Variants in TMPPE observed in about 807,000 individuals in gnomAD.
TMPPE encodes the protein transmembrane protein with metallophosphoesterase domain.
A neutral mutation model predicts 22.6 loss-of-function variants in TMPPE; 16 were observed. The ratio of observed to expected loss-of-function variants is 0.71; its 90% confidence interval spans 0.48 to 1.08. The LOEUF is 1.08. Ranked by LOEUF, TMPPE falls within the 50% of genes least tolerant of loss-of-function variation. TMPPE has a pLI of 0.00. For synonymous variants in TMPPE, 240 were observed against 245.3 expected (o/e 0.98, Z 0.20); for missense variants, 526 against 584.3 (o/e 0.90, Z 1.03).
rs887176945 is a variant in TMPPE at position 33,091,579 on chromosome 3, T to C, written c.*1255A>G. 2.0e-6 allele frequency: 2 copies of C among 985,016 alleles called. No individual in the cohort carries two copies. Among genetic ancestry groups the C allele is most frequent in the African/African-American group, 3.5e-5 (2 of 57,250 alleles). The allele number at this position is 985,016 out of a possible 1,614,324, so 61.0% of individuals were successfully genotyped here. ...AGTGTTTACTGTGCACGCTGTGCCATGTGGAACTCATGCACAAGGCTTGAT... is the reference window on the plus strand; with the variant it reads ...AGTGTTTACTGTGCACGCTGTGCCACGTGGAACTCATGCACAAGGCTTGAT... On this transcript the variant is annotated 3_prime_UTR_variant, in exon 2 of 2. Transcript: ENST00000342462.
At position 33,097,077 on chromosome 3, in the gene TMPPE, C is replaced by G. The variant is rs1175346838; in HGVS notation, c.-467G>C. 1.2e-6 allele frequency: 2 copies of G among 1,612,502 alleles called. No homozygotes were observed. The highest frequency in any genetic ancestry group is 1.7e-6 in the Non-Finnish European group (2 of 1,179,020). ...ACAGAGGGAGGATGCGAACCAGGAACCCCGGCATGACCACCAGCCTCCCGG... is the reference window on the plus strand; with the variant it reads ...ACAGAGGGAGGATGCGAACCAGGAAGCCCGGCATGACCACCAGCCTCCCGG... On this transcript the variant is annotated 5_prime_UTR_variant, in exon 1 of 2. Transcript: ENST00000342462.
At position 33,092,994 on chromosome 3, in the gene TMPPE, T is replaced by G; in HGVS notation, c.1202A>C (p.Asn401Thr). The change falls in exon 2 of 2, where the codon AAC becomes ACC. Residue 401 changes from asparagine to threonine, a missense_variant. By Grantham distance (65) the Asn-to-Thr change is moderately conservative. Coordinates refer to ENST00000342462, the MANE Select transcript of TMPPE (RefSeq NM_001039770.3). ...GGGATTCAGGAGATAGGCTGCTACG[T>G]TCAAGGGGAAGATCTGCCCAGCATG... ...HTHAGQIFPL[N>T]VAAYLLNPFF... The G allele has an allele frequency of 6.2e-7, 1 of 1,614,102 alleles. No individual in the cohort carries two copies. The highest frequency in any genetic ancestry group is 1.1e-5 in the South Asian group (1 of 91,076).
rs984982109 is a variant in TMPPE at position 33,096,911 on chromosome 3, C to T, written c.-301G>A. The T allele has an allele frequency of 3.9e-6, 6 of 1,527,530 alleles. No individual in the cohort carries two copies. The African/African-American group carries it at 5.7e-5, about 14-fold the overall frequency. 94.6% of individuals were successfully genotyped at this position (1,527,530 alleles called of 1,614,324 possible). A position where few individuals can be genotyped will look rare whatever the true frequency, so the allele number is the denominator to read the frequency against. On this transcript the variant is annotated 5_prime_UTR_variant, in exon 1 of 2. Coordinates refer to ENST00000342462, the MANE Select transcript of TMPPE (RefSeq NM_001039770.3). The stretch of plus-strand genomic sequence containing the variant: ...TGGGGGGCACTTCGGGGCTCAGGCT[C>T]CCCGCCCTGCGGGACCGCGGGTGGC...
Position 33,090,735 on chromosome 3 carries a change from C to A in TMPPE, c.*2099G>T, listed in dbSNP as rs1376733638. On this transcript the variant is annotated 3_prime_UTR_variant, in exon 2 of 2. Coordinates refer to ENST00000342462, the MANE Select transcript of TMPPE (RefSeq NM_001039770.3). ...GAGAAATTTCTGCTGCAAAAATGTC[C>A]GCCGCGTCAGGGAATACAAACCACA... 1.0e-6 allele frequency: 1 copy of A among 985,194 alleles called. No homozygotes were observed. The highest frequency in any genetic ancestry group is 1.2e-6 in the Non-Finnish European group (1 of 829,926). 61.0% of individuals were successfully genotyped at this position (985,194 alleles called of 1,614,324 possible).
At position 33,097,018 on chromosome 3, in the gene TMPPE, C is replaced by A. The variant is rs755668722; in HGVS notation, c.-408G>T. The A allele has an allele frequency of 1.1e-5, 17 of 1,612,074 alleles. No homozygotes were observed. Among genetic ancestry groups the A allele is most frequent in the Non-Finnish European group, 1.4e-5 (16 of 1,178,930 alleles). On this transcript the variant is annotated 5_prime_UTR_variant, in exon 1 of 2. Transcript: ENST00000342462. Reference sequence around the variant, plus strand: ...CGGGTCCCGCAGACTTACGCGCAAGCCGCGCGTAGGGCCCAGAAGCAGCAG... The same window carrying A: ...CGGGTCCCGCAGACTTACGCGCAAGACGCGCGTAGGGCCCAGAAGCAGCAG...
rs369878091 is a variant in TMPPE at position 33,093,206 on chromosome 3, G to A, written c.990C>T (p.Cys330=). The part of the protein sequence containing the change: ...GSGSEDEDWI[C]LAGVDDIEAD... The stretch of plus-strand genomic sequence containing the variant: ...CTTCAATATCGTCCACCCCAGCCAA[G>A]CAGATCCAGTCCTCATCCTCACTCC... Residue 330 remains cysteine (C), a synonymous_variant, in exon 2 of 2, where the codon TGC becomes TGT. Coordinates refer to ENST00000342462, the MANE Select transcript of TMPPE (RefSeq NM_001039770.3). The surrounding 1 kb of genome is among the most constrained non-coding windows in gnomAD (Gnocchi z 6.0). 94 of 1,613,864 alleles carry A rather than the reference G, an allele frequency of 5.8e-5. 1 individual carries two copies. The South Asian group carries it at 7.0e-4, about 12-fold the overall frequency.
chr3:33,092,327 G>A lies in TMPPE; in HGVS notation c.*507C>T, dbSNP rs547830265. 3.1e-5 allele frequency: 31 copies of A among 987,466 alleles called. No homozygotes were observed. The African/African-American group carries it at 4.4e-4, about 14-fold the overall frequency. 61.2% of individuals were successfully genotyped at this position (987,466 alleles called of 1,614,324 possible). A position where few individuals can be genotyped will look rare whatever the true frequency, so the allele number is the denominator to read the frequency against. On this transcript the variant is annotated 3_prime_UTR_variant, in exon 2 of 2. Coordinates refer to ENST00000342462, the MANE Select transcript of TMPPE (RefSeq NM_001039770.3). ...AAAATATTCTTCTCTAGCAGCCAGA[G>A]GGCCCTTCCATCTTGCCTGTTCTCC... is the stretch of plus-strand genomic sequence containing the variant.
rs1476156139 is a variant in TMPPE, at chr3:33,097,075, A to G, written c.-465T>C. The G allele has an allele frequency of 6.2e-7, 1 of 1,612,582 alleles. No individual in the cohort carries two copies. The highest frequency in any genetic ancestry group is 8.5e-7 in the Non-Finnish European group (1 of 1,179,088). Reference sequence around the variant, plus strand: ...CAACAGAGGGAGGATGCGAACCAGGAACCCCGGCATGACCACCAGCCTCCC... The same window carrying G: ...CAACAGAGGGAGGATGCGAACCAGGGACCCCGGCATGACCACCAGCCTCCC... On this transcript the variant is annotated 5_prime_UTR_variant, in exon 1 of 2. Coordinates refer to ENST00000342462, the MANE Select transcript of TMPPE (RefSeq NM_001039770.3).
rs1701069831 is a variant in TMPPE at position 33,097,126 on chromosome 3, G to A, written c.-516C>T. The stretch of plus-strand genomic sequence containing the variant: ...GGCTCTGCAGTCGGCGCCCAGGCCG[G>A]CCGCTTCGCGTCACTTGACTAAGGA... On this transcript the variant is annotated 5_prime_UTR_variant, in exon 1 of 2. Coordinates refer to ENST00000342462, the MANE Select transcript of TMPPE (RefSeq NM_001039770.3). The A allele has an allele frequency of 1.2e-6, 2 of 1,605,794 alleles. No individual in the cohort carries two copies. Among genetic ancestry groups the A allele is most frequent in the African/African-American group, 1.3e-5 (1 of 74,422 alleles).
At position 33,092,227 on chromosome 3, in the gene TMPPE, A is replaced by C; in HGVS notation, c.*607T>G. On this transcript the variant is annotated 3_prime_UTR_variant, in exon 2 of 2. Transcript: ENST00000342462. ...AATAGCATCCCTCAAGGCCTGGAAC[A>C]GGAGGAGCTTTGCATTCCAGTAGAT... The C allele has an allele frequency of 1.0e-6, 1 of 985,736 alleles. No homozygotes were observed. The highest frequency in any genetic ancestry group is 1.2e-6 in the Non-Finnish European group (1 of 830,166). 61.1% of individuals were successfully genotyped at this position (985,736 alleles called of 1,614,324 possible). A position where few individuals can be genotyped will look rare whatever the true frequency, so the allele number is the denominator to read the frequency against.
chr3:33,092,665 A>G lies in TMPPE; in HGVS notation c.*169T>C. ...AGGAAATAGTTAAACCAGCCTGAACATGCCAGGCAGGCCCACCATAAGTCA... is the reference window on the plus strand; with the variant it reads ...AGGAAATAGTTAAACCAGCCTGAACGTGCCAGGCAGGCCCACCATAAGTCA... On this transcript the variant is annotated 3_prime_UTR_variant, in exon 2 of 2. Transcript: ENST00000342462. The G allele has an allele frequency of 7.1e-7, 1 of 1,402,110 alleles. No homozygotes were observed. Among genetic ancestry groups the G allele is most frequent in the East Asian group, 2.5e-5 (1 of 40,064 alleles). The allele number at this position is 1,402,110 out of a possible 1,614,324, so 86.9% of individuals were successfully genotyped here.
chr3:33,094,293 G>A lies in TMPPE; in HGVS notation c.-98C>T, dbSNP rs1472519846. 28 of 1,503,974 alleles carry A rather than the reference G, an allele frequency of 1.9e-5. No individual in the cohort carries two copies. The highest frequency in any genetic ancestry group is 1.7e-5 in the Non-Finnish European group (19 of 1,128,748). 93.2% of individuals were successfully genotyped at this position (1,503,974 alleles called of 1,614,324 possible). On this transcript the variant is annotated 5_prime_UTR_variant, in exon 2 of 2. Transcript: ENST00000342462. ...ACAGTGGCCAAGGAGAGGTTTCCAG[G>A]TCAACTCCGCCTGCAACCAGGAACC...
At chr3:33,096,528 CCA>C in intron 1 of TMPPE, 189 bp downstream of exon 1, 15 of 985,288 alleles carry the variant, frequency 1.5e-5, no homozygotes, top group Non-Finnish European at 1.8e-5. Flanking sequence ...GGGAGAGCAC[CCA>C]GAGGGGAAAT....
chr3:33,095,702 TTC>T, intron 1 of TMPPE, among the ~76,000 whole-genome samples: 1 of 152,250 alleles, frequency 6.6e-6, no homozygotes, highest in East Asian at 1.9e-4. Context: ...TCATAAATCC[TTC>T]TCTCTCTCCC....
intron 1 of TMPPE, among the ~76,000 whole-genome samples, chr3:33,094,603 C>T (rs1168083190): frequency 6.6e-6 from 1 of 152,178 alleles, no homozygotes; most frequent in East Asian, 1.9e-4. Flanking sequence ...GGAGAGAGCC[C>T]TTCAGGGGTC....
In TMPPE at chr3:33,096,929, CG is replaced by C; in HGVS notation, c.-320del. 1 of 1,548,838 alleles carries C rather than the reference CG, an allele frequency of 6.5e-7. No individual in the cohort carries two copies. Among genetic ancestry groups the C allele is most frequent in the Non-Finnish European group, 8.7e-7 (1 of 1,148,574 alleles). Reference sequence around the variant, plus strand: ...TCAGGCTCCCCGCCCTGCGGGACCGCGGGTGGCTGCGACCCCAGCCCGGTTC... The same window carrying C: ...TCAGGCTCCCCGCCCTGCGGGACCGCGGTGGCTGCGACCCCAGCCCGGTTC... On this transcript the variant is annotated 5_prime_UTR_variant, in exon 1 of 2. Coordinates refer to ENST00000342462, the MANE Select transcript of TMPPE (RefSeq NM_001039770.3).
At position 33,091,018 on chromosome 3, in the gene TMPPE, C is replaced by T. The variant is rs1045278438; in HGVS notation, c.*1816G>A. The stretch of plus-strand genomic sequence containing the variant: ...AAATCAAGAAACCAGTGAAATAACA[C>T]GTAACAGGTGAGTCAAACATTACCA... On this transcript the variant is annotated 3_prime_UTR_variant, in exon 2 of 2. Coordinates refer to ENST00000342462, the MANE Select transcript of TMPPE (RefSeq NM_001039770.3). The T allele has an allele frequency of 2.2e-5, 22 of 985,268 alleles. No homozygotes were observed. The highest frequency in any genetic ancestry group is 1.9e-4 in the African/African-American group (11 of 57,298). 61.0% of individuals were successfully genotyped at this position (985,268 alleles called of 1,614,324 possible).
Position 33,094,294 on chromosome 3 carries a change from T to G in TMPPE, c.-99A>C. On this transcript the variant is annotated 5_prime_UTR_variant, in exon 2 of 2. Transcript: ENST00000342462. Reference sequence around the variant, plus strand: ...CAGTGGCCAAGGAGAGGTTTCCAGGTCAACTCCGCCTGCAACCAGGAACCA... The same window carrying G: ...CAGTGGCCAAGGAGAGGTTTCCAGGGCAACTCCGCCTGCAACCAGGAACCA... 6.7e-7 allele frequency: 1 copy of G among 1,503,462 alleles called. No individual in the cohort carries two copies. Among genetic ancestry groups the G allele is most frequent in the Non-Finnish European group, 8.9e-7 (1 of 1,128,442 alleles). The allele number at this position is 1,503,462 out of a possible 1,614,324, so 93.1% of individuals were successfully genotyped here.
In TMPPE at chr3:33,094,318, C is replaced by A. The variant is rs1700911583; in HGVS notation, c.-108-15G>T. ...GTCAACTCCGCCTGCAACCAGGAAC[C>A]AGCATCAGCTTTGTGGGATATTAGA... is the stretch of plus-strand genomic sequence containing the variant. On this transcript the variant is annotated splice_polypyrimidine_tract_variant and intron_variant, in intron 1 of 1. Coordinates refer to ENST00000342462, the MANE Select transcript of TMPPE (RefSeq NM_001039770.3). 2.0e-6 allele frequency: 3 copies of A among 1,475,494 alleles called. No homozygotes were observed. The African/African-American group carries it at 4.2e-5, about 21-fold the overall frequency. 91.4% of individuals were successfully genotyped at this position (1,475,494 alleles called of 1,614,324 possible). A position where few individuals can be genotyped will look rare whatever the true frequency, so the allele number is the denominator to read the frequency against.
Sources: gnomAD v4.1 joint callset for allele counts (sites outside exome capture counted in the v4.1 genomes callset) on GRCh38, gnomAD v4.1.1 for gene constraint, Gnocchi (gnomAD v3.1) non-coding constraint, MANE v1.5 for transcripts, NCBI Gene and HGNC (gene_info 2026-07-23, HGNC 2026-07-21) for gene names.